The following ITGA9 variants were observed in gnomAD, a reference collection of about 807,000 sequenced individuals.
ITGA9 encodes integrin subunit alpha 9.
Under a neutral mutation model 127.8 loss-of-function variants are expected in ITGA9, and 56 were observed. The ratio of observed to expected loss-of-function variants is 0.44; its 90% confidence interval spans 0.35 to 0.55. ITGA9 has a LOEUF of 0.55. Ranked by LOEUF, ITGA9 falls within the 20% of genes least tolerant of loss-of-function variation. The pLI is 0.00. For missense variants in ITGA9, 1,196 were observed against 1,347.1 expected (o/e 0.89, Z 1.76); for synonymous variants, 508 against 514.5 (o/e 0.99, Z 0.17).
At chr3:37,657,269 C>G (rs1008117138) in intron 17 of ITGA9, among the ~76,000 whole-genome samples, 1 of 152,152 alleles carries the variant, frequency 6.6e-6, no homozygotes, top group Non-Finnish European at 1.5e-5. Context: ...GGAATGATAC[C>G]AGATCCTCTT....
At chr3:37,553,523 A>G (rs1019908832) in intron 15 of ITGA9, among the ~76,000 whole-genome samples, 1 of 152,256 alleles carries the variant, frequency 6.6e-6, no homozygotes, top group Non-Finnish European at 1.5e-5. Flanking sequence ...ACCACAGAAT[A>G]CTTGTGTCCT....
At chr3:37,721,680 G>C (rs1032085855) in intron 18 of ITGA9, among the ~76,000 whole-genome samples, 1 of 152,070 alleles carries the variant, frequency 6.6e-6, no homozygotes, top group African/African-American at 2.4e-5. Context: ...TGGTTCCCTC[G>C]GAGTGTTCGT....
At chr3:37,741,654 A>G (rs1696436385) in intron 20 of ITGA9, 76 bp from the exon 21 acceptor site, 1 of 1,141,840 alleles carries the variant, frequency 8.8e-7, no homozygotes, top group Admixed American at 1.9e-5. Context: ...ATTCAACTCT[A>G]AAGTGGAACA....
chr3:37,513,093 AT>A (rs1375172836), intron 8 of ITGA9, among the ~76,000 whole-genome samples: 3 of 152,054 alleles, frequency 2.0e-5, no homozygotes, highest in African/African-American at 7.3e-5. Context: ...CCCATGTAAC[AT>A]TTATTTTCAT....
chr3:37,687,957 C>T (rs1455792659), intron 18 of ITGA9, among the ~76,000 whole-genome samples: 1 of 152,246 alleles, frequency 6.6e-6, no homozygotes, highest in Non-Finnish European at 1.5e-5. Context: ...TTGGGCTTGT[C>T]TTCCTCAGAC....
rs571103710 is a variant in ITGA9, at chr3:37,737,262, G to C, written c.2234+279G>C. Reference sequence around the variant, plus strand: ...ACAGCTGAGGAGAGACAGGCCCAGGGGGGTGAGGCTCTAGTCCAAGGTCAG... The same window carrying C: ...ACAGCTGAGGAGAGACAGGCCCAGGCGGGTGAGGCTCTAGTCCAAGGTCAG... On this transcript the variant is annotated intron_variant, in intron 20 of 27. Transcript: ENST00000264741. Among the ~76,000 whole-genome samples, 4 of 152,344 alleles carry C rather than the reference G, an allele frequency of 2.6e-5. No homozygotes were observed. In the South Asian group the frequency reaches 8.3e-4, roughly 32 times the overall value.
intron 15 of ITGA9, among the ~76,000 whole-genome samples, chr3:37,568,056 T>G (rs1401950137): frequency 6.6e-6 from 1 of 152,216 alleles, no homozygotes; most frequent in Non-Finnish European, 1.5e-5. Context: ...AGAGGTTCTT[T>G]ATGAGGGCCC....
chr3:37,714,952 A>G (rs887189939), intron 18 of ITGA9, among the ~76,000 whole-genome samples: 1 of 152,170 alleles, frequency 6.6e-6, no homozygotes, highest in Admixed American at 6.5e-5. Flanking sequence ...GTGACCTTGG[A>G]AAGTTCCCTC....
At chr3:37,640,465 C>T (rs1700321553) in intron 16 of ITGA9, among the ~76,000 whole-genome samples, 1 of 152,118 alleles carries the variant, frequency 6.6e-6, no homozygotes, top group African/African-American at 2.4e-5. Context: ...GAACCAGGTG[C>T]TTCCAAAAAC....
At chr3:37,744,991 T>C (rs1464239637) in intron 22 of ITGA9, among the ~76,000 whole-genome samples, 1 of 152,172 alleles carries the variant, frequency 6.6e-6, no homozygotes, top group Non-Finnish European at 1.5e-5. Context: ...ACAGTCCATA[T>C]CTCCTCACTC....
chr3:37,723,973 A>T (rs1253481876), intron 18 of ITGA9, among the ~76,000 whole-genome samples: 1 of 152,206 alleles, frequency 6.6e-6, no homozygotes, highest in African/African-American at 2.4e-5. Context: ...TATGTCACTC[A>T]TTGGAAATTA....
chr3:37,785,232 GC>G (rs1697025630), intron 26 of ITGA9, among the ~76,000 whole-genome samples, 154 bp downstream of exon 26: 2 of 152,140 alleles, frequency 1.3e-5, no homozygotes, highest in Admixed American at 6.5e-5. Context: ...TGGCTTCCAG[GC>G]CCCCCCTGGA....
intron 17 of ITGA9, among the ~76,000 whole-genome samples, chr3:37,681,119 T>C (rs1700730759): frequency 6.6e-6 from 1 of 152,208 alleles, no homozygotes; most frequent in Admixed American, 6.5e-5. Flanking sequence ...TTTTTGCCTA[T>C]GGAGATTTTG....
chr3:37,537,251 G>A (rs192755191), intron 14 of ITGA9, among the ~76,000 whole-genome samples: 2 of 152,302 alleles, frequency 1.3e-5, no homozygotes, highest in East Asian at 1.9e-4. Context: ...ACAATTAACT[G>A]CTGTTGGGGC....
At chr3:37,531,862 C>T (rs1437744114) in intron 13 of ITGA9, among the ~76,000 whole-genome samples, 1 of 152,148 alleles carries the variant, frequency 6.6e-6, no homozygotes, top group Non-Finnish European at 1.5e-5. Flanking sequence ...TGACTGTTCA[C>T]CTTAGTAAGT....
chr3:37,642,401 G>A (rs941501755), intron 16 of ITGA9, among the ~76,000 whole-genome samples: 2 of 152,210 alleles, frequency 1.3e-5, no homozygotes, highest in Non-Finnish European at 2.9e-5. Flanking sequence ...AGAGAACCTG[G>A]CCTATAGTGG....
intron 17 of ITGA9, among the ~76,000 whole-genome samples, chr3:37,664,546 G>A (rs1034187950): frequency 3.3e-5 from 5 of 149,902 alleles, no homozygotes; most frequent in Non-Finnish European, 5.9e-5. Context: ...TCAGCCTCCC[G>A]AGTAGCTGGT....
At chr3:37,506,333 CAT>C (rs555048933) in intron 7 of ITGA9, among the ~76,000 whole-genome samples, 113 of 152,090 alleles carry the variant, frequency 7.4e-4, no homozygotes, top group African/African-American at 2.4e-3. Flanking sequence ...CACAGCTGAC[CAT>C]GTGTGTGTGT....
intron 15 of ITGA9, among the ~76,000 whole-genome samples, chr3:37,593,293 T>C (rs1471397675): frequency 6.6e-6 from 1 of 152,252 alleles, no homozygotes; most frequent in African/African-American, 2.4e-5. Flanking sequence ...ATACTGTATT[T>C]TGGGTTTTTT....
Sources: gnomAD v4.1 joint callset for allele counts (sites outside exome capture counted in the v4.1 genomes callset) on GRCh38, gnomAD v4.1.1 for gene constraint, MANE v1.5 for transcripts, NCBI Gene and HGNC (gene_info 2026-07-23, HGNC 2026-07-21) for gene names.